LRTM3: variants seen among roughly 807,000 people sequenced by gnomAD.
LRTM3 encodes the protein leucine-rich repeat transmembrane protein 3.
chr13:102,731,323 C>A, the LRTM3 span: 6 of 1,551,220 alleles, frequency 3.9e-6, no homozygotes, highest in African/African-American at 4.1e-5. Context: ...TAGAATAGAA[C>A]CTCCAACTGT....
At chr13:102,748,991 A>T in the LRTM3 span, 2 of 1,550,854 alleles carry the variant, frequency 1.3e-6, no homozygotes, top group Non-Finnish European at 1.7e-6. Flanking sequence ...ACATTTTATT[A>T]AACCCGGCAT....
At chr13:102,739,916 G>A in the LRTM3 span, 1 of 1,550,242 alleles carries the variant, frequency 6.5e-7, no homozygotes, top group Non-Finnish European at 8.7e-7. Context: ...GTTACTTGAG[G>A]CACCACAGTC....
At chr13:102,744,339 A>G in the LRTM3 span, 1 of 1,550,436 alleles carries the variant, frequency 6.4e-7, no homozygotes, top group Non-Finnish European at 8.7e-7. Flanking sequence ...ACTGTTTGTA[A>G]GTTTTTTTGA....
the LRTM3 span, chr13:102,746,215 A>G: frequency 6.4e-7 from 1 of 1,550,748 alleles, no homozygotes; most frequent in Non-Finnish European, 8.7e-7. Context: ...GGTCTGATTC[A>G]AGATGGATTT....
At chr13:102,743,406 T>C in the LRTM3 span, 51 of 1,550,606 alleles carry the variant, frequency 3.3e-5, no homozygotes, top group African/African-American at 6.4e-4. Context: ...CCTTGCCACA[T>C]TGCTTTCAGT....
chr13:102,744,918 T>C, the LRTM3 span: 1 of 1,550,694 alleles, frequency 6.4e-7, no homozygotes, highest in Non-Finnish European at 8.7e-7. Flanking sequence ...TGTTCCCCCA[T>C]ACATTTCCTA....
At chr13:102,748,666 T>C in the LRTM3 span, 4 of 1,550,412 alleles carry the variant, frequency 2.6e-6, no homozygotes, top group Non-Finnish European at 3.5e-6. Flanking sequence ...GATCAAATGG[T>C]TTTTTACTAT....
the LRTM3 span, chr13:102,746,261 C>T: frequency 6.4e-7 from 1 of 1,550,980 alleles, no homozygotes; most frequent in South Asian, 1.2e-5. Context: ...CAGGTGCTGG[C>T]TCAGCTGTGG....
At chr13:102,755,623 G>A in the LRTM3 span, among the ~76,000 whole-genome samples, 1 of 151,966 alleles carries the variant, frequency 6.6e-6, no homozygotes, top group Non-Finnish European at 1.5e-5. Flanking sequence ...CACAGGGAGG[G>A]GAACAACATA....
the LRTM3 span, chr13:102,747,837 T>A: frequency 4.5e-6 from 7 of 1,551,194 alleles, no homozygotes; most frequent in Non-Finnish European, 6.1e-6. Flanking sequence ...TCTTGCTCTT[T>A]ATTTGGGGCT....
At chr13:102,736,689 G>T in the LRTM3 span, 1 of 1,550,448 alleles carries the variant, frequency 6.4e-7, no homozygotes, top group Non-Finnish European at 8.7e-7. Flanking sequence ...ATGTTCACCT[G>T]CAGTTCCTTT....
chr13:102,747,170 C>A, the LRTM3 span: 1 of 1,550,686 alleles, frequency 6.4e-7, no homozygotes. Context: ...CTTTTCTTCC[C>A]TTTCAATTTG....
the LRTM3 span, chr13:102,741,093 G>C: frequency 6.5e-7 from 1 of 1,549,944 alleles, no homozygotes; most frequent in South Asian, 1.2e-5. Flanking sequence ...ATATAAAGTT[G>C]ATGCAATATG....
chr13:102,748,738 T>C, the LRTM3 span: 2 of 1,549,784 alleles, frequency 1.3e-6, no homozygotes, highest in Non-Finnish European at 1.7e-6. Flanking sequence ...CTTTAAGAGA[T>C]TCTTTACTCT....
the LRTM3 span, chr13:102,748,873 C>G: frequency 1.3e-6 from 2 of 1,550,188 alleles, no homozygotes; most frequent in Middle Eastern, 3.3e-4. Flanking sequence ...CTTTGTCATA[C>G]TCCTTTTCCT....
At chr13:102,756,242 G>A in the LRTM3 span, among the ~76,000 whole-genome samples, 12 of 149,758 alleles carry the variant, frequency 8.0e-5, no homozygotes, top group South Asian at 2.1e-4. Flanking sequence ...GTGAGCCACC[G>A]TGTTACACAT....
chr13:102,750,362 A>AGGG, the LRTM3 span: 1 of 1,513,704 alleles, frequency 6.6e-7, no homozygotes, highest in Admixed American at 2.2e-5. Context: ...TGATGAAGTA[A>AGGG]TTCTTTTTTC....
chr13:102,740,357 T>G, the LRTM3 span: 11 of 1,550,198 alleles, frequency 7.1e-6, no homozygotes, highest in East Asian at 2.7e-4. Context: ...AGTGCTTAGC[T>G]GATCTGCAGA....
chr13:102,742,266 T>C, the LRTM3 span: 3 of 1,550,262 alleles, frequency 1.9e-6, no homozygotes, highest in South Asian at 2.4e-5. Flanking sequence ...GAAACTGTTA[T>C]TCTTTTTGCC....
Sources: gnomAD v4.1 joint callset for allele counts (sites outside exome capture counted in the v4.1 genomes callset) on GRCh38, gnomAD v4.1.1 for gene constraint, MANE v1.5 for transcripts, NCBI Gene and HGNC (gene_info 2026-07-23, HGNC 2026-07-21) for gene names.